The following GPR137B variants were observed in gnomAD, a reference collection of about 807,000 sequenced individuals.
GPR137B encodes integral membrane protein GPR137B.
A neutral mutation model predicts 42.5 loss-of-function variants in GPR137B; 42 were observed. That is an observed-to-expected ratio of 0.99 (90% confidence interval 0.77 to 1.28). GPR137B has a LOEUF of 1.28. Ranked by LOEUF, GPR137B falls within the 50% of genes most tolerant of loss-of-function variation. The pLI is 0.00. For missense variants in GPR137B, 487 were observed against 493.9 expected, an observed-to-expected ratio of 0.99 and a Z score of 0.13; for synonymous variants, 218 against 209.7, an observed-to-expected ratio of 1.04 and a Z score of -0.34.
At chr1:236,143,925 ATC>A (rs1661609360) in intron 1 of GPR137B, among the ~76,000 whole-genome samples, 1 of 152,138 alleles carries the variant, frequency 6.6e-6, no homozygotes. Flanking sequence ...CGTCATCATC[ATC>A]TCTGATTCCC....
intron 2 of GPR137B, among the ~76,000 whole-genome samples, chr1:236,174,506 A>T (rs1662629303): frequency 6.6e-6 from 1 of 152,184 alleles, no homozygotes; most frequent in Non-Finnish European, 1.5e-5. Context: ...TTCTGGTCAG[A>T]GGCATGAGAC....
chr1:236,142,864 TCCTCTTTCTCTG>T lies in GPR137B; in HGVS notation c.249_260del (p.Leu84_Phe87del). The T allele has an allele frequency of 6.2e-7, 1 of 1,614,230 alleles. No homozygotes were observed. The highest frequency in any genetic ancestry group is 1.1e-5 in the South Asian group (1 of 91,086). On this transcript the variant is annotated inframe_deletion, in exon 1 of 7. Coordinates refer to ENST00000366592, the MANE Select transcript of GPR137B (RefSeq NM_003272.4). Reference sequence around the variant, plus strand: ...AAGCGGCTCAGCTACCAGAGCGTCTTCCTCTTTCTCTGCCTCTTCTGGGCCTCCCTGCGGACC... The same window carrying T: ...AAGCGGCTCAGCTACCAGAGCGTCTTCCTCTTCTGGGCCTCCCTGCGGACC...
At chr1:236,191,876 C>T (rs1422676334) in intron 5 of GPR137B, among the ~76,000 whole-genome samples, 1 of 152,246 alleles carries the variant, frequency 6.6e-6, no homozygotes, top group African/African-American at 2.4e-5. Context: ...CTCCTTCTCT[C>T]TTCAGAGCCA....
At chr1:236,164,734 G>T (rs748225624) in intron 1 of GPR137B, among the ~76,000 whole-genome samples, 1 of 152,080 alleles carries the variant, frequency 6.6e-6, no homozygotes, top group African/African-American at 2.4e-5. Flanking sequence ...TATATAATAA[G>T]TTATATAGAT....
intron 4 of GPR137B, among the ~76,000 whole-genome samples, chr1:236,181,023 A>G (rs917008240): frequency 6.6e-6 from 1 of 152,248 alleles, no homozygotes; most frequent in Non-Finnish European, 1.5e-5. Context: ...GAAAATACAT[A>G]GGACTATGAA....
chr1:236,196,265 G>A (rs1433411508), intron 5 of GPR137B, among the ~76,000 whole-genome samples: 4 of 151,878 alleles, frequency 2.6e-5, no homozygotes, highest in African/African-American at 4.8e-5. Context: ...TCAGCCTCCT[G>A]AGTAGCTGGG....
At chr1:236,180,243 T>C in intron 4 of GPR137B, 1 of 511,104 alleles carries the variant, frequency 2.0e-6, no homozygotes, top group South Asian at 3.1e-5. Context: ...AAATGCTATG[T>C]AAACAGTTGT....
chr1:236,184,863 T>C lies in GPR137B; in HGVS notation c.966+957T>C, dbSNP rs558400787. ...CTCACTGCAACCTCCGCCTCCCGGG[T>C]TTAAGCGATTCTCCTGCCTCAGCCT... On this transcript the variant is annotated intron_variant, in intron 5 of 6. Coordinates refer to ENST00000366592, the MANE Select transcript of GPR137B (RefSeq NM_003272.4). Among the ~76,000 whole-genome samples the C allele has an allele frequency of 5.3e-5, 8 of 151,992 alleles. No homozygotes were observed. The East Asian group carries it at 1.5e-3, about 29-fold the overall frequency.
intron 1 of GPR137B, among the ~76,000 whole-genome samples, chr1:236,143,996 C>T (rs1264968032): frequency 6.6e-6 from 1 of 151,980 alleles, no homozygotes; most frequent in Non-Finnish European, 1.5e-5. Flanking sequence ...AAGGGGAAGG[C>T]GTCAACGGTG....
At chr1:236,202,440 G>A (rs1266092506) in intron 5 of GPR137B, among the ~76,000 whole-genome samples, 5 of 152,090 alleles carry the variant, frequency 3.3e-5, no homozygotes, top group East Asian at 3.9e-4. Flanking sequence ...AATTTGCAGT[G>A]GCCTGCCGCT....
At chr1:236,197,316 T>C (rs1338002282) in intron 5 of GPR137B, among the ~76,000 whole-genome samples, 2 of 152,212 alleles carry the variant, frequency 1.3e-5, no homozygotes, top group African/African-American at 4.8e-5. Flanking sequence ...TCTGTGAATA[T>C]TTTCTCCTAC....
chr1:236,161,498 C>CGCCTCCCACTCACACCTCCTCAT (rs57842830), intron 1 of GPR137B, among the ~76,000 whole-genome samples: 40,421 of 150,992 alleles, frequency 0.27, 6,824 homozygotes, highest in African/African-American at 0.47. Flanking sequence ...CACCTCCTCA[C>CGCCTCCCACTCACACCTCCTCAT]GCCTCCCACT....
intron 1 of GPR137B, among the ~76,000 whole-genome samples, chr1:236,159,539 G>A (rs1662125821): frequency 6.6e-6 from 1 of 152,010 alleles, no homozygotes; most frequent in Non-Finnish European, 1.5e-5. Flanking sequence ...CAGGCATGGT[G>A]GCGGGTGCTT....
chr1:236,145,010 G>T (rs1245826909), intron 1 of GPR137B, among the ~76,000 whole-genome samples: 2 of 152,200 alleles, frequency 1.3e-5, no homozygotes, highest in Non-Finnish European at 2.9e-5. Flanking sequence ...CCGGCCCAGG[G>T]GCCCAAAGTC....
At chr1:236,173,303 A>G (rs895975449) in intron 2 of GPR137B, among the ~76,000 whole-genome samples, 10 of 150,940 alleles carry the variant, frequency 6.6e-5, no homozygotes, top group African/African-American at 2.4e-4. Context: ...AAAAAAAAAA[A>G]AAGAAGAAAG....
chr1:236,172,749 A>G (rs1388228928), intron 2 of GPR137B, among the ~76,000 whole-genome samples: 7 of 151,038 alleles, frequency 4.6e-5, no homozygotes, highest in Non-Finnish European at 8.8e-5. Context: ...CGGTGGTGCA[A>G]TCATAGCTCA....
intron 5 of GPR137B, among the ~76,000 whole-genome samples, chr1:236,200,966 A>G (rs1430308620): frequency 6.6e-6 from 1 of 150,664 alleles, no homozygotes; most frequent in East Asian, 1.9e-4. Context: ...ATTCTGGTGT[A>G]TTTTGAGGTT....
intron 6 of GPR137B, among the ~76,000 whole-genome samples, chr1:236,206,420 C>CT (rs1663664231): frequency 6.6e-6 from 1 of 152,184 alleles, no homozygotes; most frequent in African/African-American, 2.4e-5. Flanking sequence ...CTCACCTACG[C>CT]TTATGTTATA....
rs76428857 is a variant in GPR137B, at chr1:236,149,471, G to A, written c.414+6435G>A. ...CATAGTCCTCATTCTTGCTGGTAGG[G>A]AACTAAGAGGCCCCTAAAAGTCGAA... On this transcript the variant is annotated intron_variant, in intron 1 of 6. Transcript: ENST00000366592. Among the ~76,000 whole-genome samples, 604 of 152,298 alleles carry A rather than the reference G, an allele frequency of 4.0e-3. 20 individuals carry two copies. The East Asian group carries it at 0.071, about 18-fold the overall frequency.
Sources: allele counts gnomAD v4.1 joint callset (sites outside exome capture counted in the v4.1 genomes callset), GRCh38; gene constraint gnomAD v4.1.1; transcripts MANE v1.5; gene names NCBI Gene and HGNC (gene_info 2026-07-23, HGNC 2026-07-21).